The following RAPH1 variants were observed in gnomAD, a reference collection of about 807,000 sequenced individuals.
RAPH1 encodes ras-associated and pleckstrin homology domains-containing protein 1.
Under a neutral mutation model 88.1 loss-of-function variants are expected in RAPH1, and 18 were observed. The observed-to-expected ratio is 0.20, with a 90% CI of 0.14 to 0.30. RAPH1 has a LOEUF of 0.30. Among genes scored for constraint, RAPH1 ranks in the 10% least tolerant of loss-of-function variants. The pLI, the probability that RAPH1 is intolerant of heterozygous loss-of-function variation, is 1.00. For synonymous variants in RAPH1, 587 were observed against 559.0 expected (o/e 1.05, Z -0.71); for missense variants, 1,448 against 1,543.2 (o/e 0.94, Z 1.03).
At chr2:203,459,013 C>G (rs1194097491) in intron 7 of RAPH1, among the ~76,000 whole-genome samples, 1 of 151,972 alleles carries the variant, frequency 6.6e-6, no homozygotes, top group Non-Finnish European at 1.5e-5. Flanking sequence ...CCATCCACCT[C>G]AGACTCCCAA....
intron 1 of RAPH1, among the ~76,000 whole-genome samples, chr2:203,533,140 A>C (rs1690462294): frequency 1.3e-5 from 2 of 152,172 alleles, no homozygotes. Flanking sequence ...AAACACACCC[A>C]ATAGTGCCCA....
At chr2:203,498,344 C>T (rs1480992309) in intron 1 of RAPH1, among the ~76,000 whole-genome samples, 6 of 152,160 alleles carry the variant, frequency 3.9e-5, no homozygotes, top group Non-Finnish European at 8.8e-5. Context: ...ATTTAGGTGA[C>T]TCATCATCAG....
At position 203,433,902 on chromosome 2, in the gene RAPH1, T is replaced by G. The variant is rs745911946; in HGVS notation, c.*5535A>C. 1 of 152,626 alleles carries G rather than the reference T, an allele frequency of 6.6e-6. No homozygotes were observed. The highest frequency in any genetic ancestry group is 2.4e-5 in the African/African-American group (1 of 41,462). 9.5% of individuals were successfully genotyped at this position (152,626 alleles called of 1,614,324 possible). On this transcript the variant is annotated 3_prime_UTR_variant, in exon 14 of 14. Transcript: ENST00000319170. ...GTAAATGAAAAACATTTACACTGAC[T>G]GTACGACTAGTGTGCTAAGCCATTA... is the stretch of plus-strand genomic sequence containing the variant.
intron 7 of RAPH1, 152 bp downstream of exon 7, chr2:203,459,755 A>G: frequency 1.3e-6 from 1 of 748,850 alleles, no homozygotes; most frequent in Non-Finnish European, 2.2e-6. Context: ...CAGCAGCAGC[A>G]GCAGCAGTAG....
rs146192636 is a variant in RAPH1, at chr2:203,440,083, T to C, written c.3107A>G (p.Asn1036Ser). The C allele has an allele frequency of 3.1e-4, 501 of 1,613,378 alleles. No homozygotes were observed. Among genetic ancestry groups the C allele is most frequent in the Admixed American group, 3.8e-4 (23 of 59,992 alleles). ...CCCTTGTTGGAGAACTCCAGGAAGGTTGACTCCAGAAAGATTGAGTTTTCC... is the reference window on the plus strand; with the variant it reads ...CCCTTGTTGGAGAACTCCAGGAAGGCTGACTCCAGAAAGATTGAGTTTTCC... ...KPGKLNLSGV[N>S]LPGVLQQGCV... Residue 1036 changes from asparagine (N) to serine (S), a missense_variant, in exon 14 of 14, where the codon AAC (asparagine) becomes AGC (serine). Transcript: ENST00000319170.
chr2:203,534,161 T>C (rs1419574031), intron 1 of RAPH1, among the ~76,000 whole-genome samples: 2 of 152,160 alleles, frequency 1.3e-5, no homozygotes, highest in African/African-American at 4.8e-5. Context: ...GGACTTTACC[T>C]ACATAAGCAG....
chr2:203,522,985 C>T (rs1689959496), intron 1 of RAPH1, among the ~76,000 whole-genome samples: 1 of 151,346 alleles, frequency 6.6e-6, no homozygotes, highest in Non-Finnish European at 1.5e-5. Context: ...ACTCACTATC[C>T]AGCTAAATAA....
At chr2:203,452,427 T>C (rs1240215315) in intron 10 of RAPH1, among the ~76,000 whole-genome samples, 1 of 152,226 alleles carries the variant, frequency 6.6e-6, no homozygotes, top group Non-Finnish European at 1.5e-5. Context: ...AACAGAATTC[T>C]GTACAGACCT....
At chr2:203,445,269 A>T in intron 12 of RAPH1, 1 of 357,316 alleles carries the variant, frequency 2.8e-6, no homozygotes, top group Non-Finnish European at 5.0e-6. Flanking sequence ...TTCACATAAC[A>T]TTATTGGTAT....
chr2:203,493,971 CA>C (rs397937732), intron 2 of RAPH1, among the ~76,000 whole-genome samples: 744 of 18,962 alleles, frequency 0.039, 3 homozygotes, highest in African/African-American at 0.082. Flanking sequence ...GACTCTATCT[CA>C]AAAAAAAAAA....
intron 4 of RAPH1, among the ~76,000 whole-genome samples, chr2:203,468,433 GT>G (rs1347273815): frequency 6.6e-6 from 1 of 152,100 alleles, no homozygotes; most frequent in Non-Finnish European, 1.5e-5. Context: ...CCCCAGGCTG[GT>G]TTCTTTGCAT....
rs1688910283 is a variant in RAPH1, at chr2:203,504,872, A to G, written c.1-9519T>C. Reference sequence around the variant, plus strand: ...TCAAAGTTCTACAAATCTCTAGCGCAGGGGCAAAATGCCGCCAGTGTCTTT... The same window carrying G: ...TCAAAGTTCTACAAATCTCTAGCGCGGGGGCAAAATGCCGCCAGTGTCTTT... On this transcript the variant is annotated intron_variant, in intron 1 of 13. Transcript: ENST00000319170. 2.0e-5 allele frequency among the ~76,000 whole-genome samples: 3 copies of G among 152,186 alleles called. No individual in the cohort carries two copies. In the South Asian group the frequency reaches 6.2e-4, roughly 32 times the overall value.
At chr2:203,516,830 G>A (rs1032252505) in intron 1 of RAPH1, among the ~76,000 whole-genome samples, 5 of 152,186 alleles carry the variant, frequency 3.3e-5, no homozygotes, top group Admixed American at 6.5e-5. Flanking sequence ...TCAGGAGATC[G>A]AGACCATCCT....
chr2:203,480,482 A>C (rs1378936123), intron 4 of RAPH1, among the ~76,000 whole-genome samples: 3 of 152,214 alleles, frequency 2.0e-5, no homozygotes, highest in African/African-American at 7.2e-5. Flanking sequence ...CAGGAGGTGG[A>C]GGCTGCAGTG....
chr2:203,501,968 G>A (rs541509805), intron 1 of RAPH1, among the ~76,000 whole-genome samples: 6 of 152,232 alleles, frequency 3.9e-5, no homozygotes, highest in East Asian at 1.9e-4. Context: ...TAGCTGGGAC[G>A]ACAGATATAA....
intron 1 of RAPH1, among the ~76,000 whole-genome samples, chr2:203,527,343 T>C (rs534401026): frequency 6.4e-4 from 98 of 152,272 alleles, no homozygotes; most frequent in African/African-American, 1.9e-3. Context: ...TATTCTGGTA[T>C]TAAATAATTG....
Position 203,458,074 on chromosome 2 carries a change from T to TA in RAPH1, c.1093-480dup, listed in dbSNP as rs1232429881. On this transcript the variant is annotated intron_variant, in intron 7 of 13. Transcript: ENST00000319170. ...AATAATCTCATTTACTTGACTCAAC[T>TA]AAAAATCTGAATTCTGGCTGGGTGC... is the stretch of plus-strand genomic sequence containing the variant. 6.6e-5 allele frequency among the ~76,000 whole-genome samples: 10 copies of TA among 152,208 alleles called. No homozygotes were observed. In the South Asian group the frequency reaches 1.5e-3, roughly 22 times the overall value.
chr2:203,459,991 A>G lies in RAPH1; in HGVS notation c.1008T>C (p.Asn336=). The G allele has an allele frequency of 1.2e-6, 2 of 1,610,032 alleles. No homozygotes were observed. The highest frequency in any genetic ancestry group is 2.2e-5 in the South Asian group (2 of 90,550). The change falls in exon 7 of 14, where the codon AAT becomes AAC. Residue 336 remains asparagine (N), a synonymous_variant. Transcript: ENST00000319170. The stretch of plus-strand genomic sequence containing the variant: ...GGCTATCTCTTGTCCAATTAAGAAG[A>G]TTTTCAACCAAGTTTTCATGGTCTT... ...IFEDHENLVE[N]LLNWTRDSQN...
chr2:203,456,185 G>A (rs1017492286), intron 8 of RAPH1, among the ~76,000 whole-genome samples: 3 of 151,918 alleles, frequency 2.0e-5, no homozygotes, highest in African/African-American at 4.8e-5. Context: ...ACACTGTTTC[G>A]GAGAAAAACT....
Sources: allele counts gnomAD v4.1 joint callset (sites outside exome capture counted in the v4.1 genomes callset), GRCh38; gene constraint gnomAD v4.1.1; transcripts MANE v1.5; gene names NCBI Gene and HGNC (gene_info 2026-07-23, HGNC 2026-07-21).